Variants in SCIN observed in about 807,000 individuals in gnomAD.
SCIN encodes the protein adseverin.
SCIN carries 91 observed loss-of-function variants against 91.8 expected under a neutral mutation model. The ratio of observed to expected loss-of-function variants is 0.99; its 90% CI spans 0.84 to 1.18. The LOEUF is 1.18. Ranked by LOEUF, SCIN falls within the 50% of genes most tolerant of loss-of-function variation. SCIN has a pLI of 0.00. For missense variants in SCIN, 1,087 were observed against 863.9 expected (o/e 1.26, Z -3.24); for synonymous variants, 367 against 312.6 (o/e 1.17, Z -1.84).
At chr7:12,587,342 C>G (rs1291257617) in intron 3 of SCIN, among the ~76,000 whole-genome samples, 1 of 152,068 alleles carries the variant, frequency 6.6e-6, no homozygotes, top group Non-Finnish European at 1.5e-5. Context: ...ATATTGTAGC[C>G]TGGGGGTGGG....
At chr7:12,640,545 C>T (rs745441934) in intron 11 of SCIN, 28 bp downstream of exon 11, 4 of 1,565,828 alleles carry the variant, frequency 2.6e-6, no homozygotes, top group South Asian at 2.4e-5. Flanking sequence ...ATAAAACATG[C>T]CCTAGTTATG....
chr7:12,593,822 T>A (rs1782779061), intron 3 of SCIN, among the ~76,000 whole-genome samples: 1 of 152,106 alleles, frequency 6.6e-6, no homozygotes, highest in African/African-American at 2.4e-5. Flanking sequence ...CTTAGTAGGA[T>A]CCTGCTGATG....
intron 9 of SCIN, among the ~76,000 whole-genome samples, chr7:12,633,234 T>A (rs1394442130): frequency 6.6e-6 from 1 of 152,082 alleles, no homozygotes; most frequent in Non-Finnish European, 1.5e-5. Context: ...AAAAAAAAAT[T>A]CAGCAATGAT....
In SCIN at chr7:12,652,757, A is replaced by G; in HGVS notation, c.*42A>G. The G allele has an allele frequency of 6.3e-7, 1 of 1,575,552 alleles. No homozygotes were observed. The highest frequency in any genetic ancestry group is 1.2e-5 in the South Asian group (1 of 84,894). On this transcript the variant is annotated 3_prime_UTR_variant, in exon 16 of 16. Coordinates refer to ENST00000297029, the MANE Select transcript of SCIN (RefSeq NM_001112706.3). The stretch of plus-strand genomic sequence containing the variant: ...AGCAAACAAACATTACAAGGCAGTT[A>G]TCTCATTGCTGTTTTGGGAGAGGAA...
intron 4 of SCIN, among the ~76,000 whole-genome samples, chr7:12,608,638 C>G (rs1329835206): frequency 6.6e-6 from 1 of 151,974 alleles, no homozygotes; most frequent in African/African-American, 2.4e-5. Flanking sequence ...CCACCACACC[C>G]AGCTAATTTT....
chr7:12,654,975 C>G lies in SCIN; in HGVS notation c.*2260C>G, dbSNP rs1469144200. ...TAAAATTAAAAATATGATACATTCA[C>G]TACATGAAAATATGATATACGGTTT... On this transcript the variant is annotated 3_prime_UTR_variant, in exon 16 of 16. Coordinates refer to ENST00000297029, the MANE Select transcript of SCIN (RefSeq NM_001112706.3). 1 of 152,156 alleles carries G rather than the reference C, an allele frequency of 6.6e-6. No individual in the cohort carries two copies. The highest frequency in any genetic ancestry group is 1.5e-5 in the Non-Finnish European group (1 of 68,016). 9.4% of individuals were successfully genotyped at this position (152,156 alleles called of 1,614,324 possible).
chr7:12,638,062 G>A (rs1783787839), intron 10 of SCIN, among the ~76,000 whole-genome samples: 1 of 152,108 alleles, frequency 6.6e-6, no homozygotes, highest in African/African-American at 2.4e-5. Context: ...TATATTTATG[G>A]TGGAGTATCT....
At chr7:12,594,136 G>A (rs78383707) in intron 3 of SCIN, among the ~76,000 whole-genome samples, 4,811 of 152,206 alleles carry the variant, frequency 0.032, 121 homozygotes, top group Non-Finnish European at 0.049. Context: ...AGCGGGTGAG[G>A]GGAGGAGGCA....
Position 12,604,603 on chromosome 7 carries a change from G to A in SCIN, c.606G>A (p.Arg202=), listed in dbSNP as rs1783033024. 2 of 1,552,178 alleles carry A rather than the reference G, an allele frequency of 1.3e-6. No homozygotes were observed. The highest frequency in any genetic ancestry group is 1.7e-4 in the Middle Eastern group (1 of 5,998). The part of the protein sequence containing the change: ...QVATGIRYNE[R]KGRSELIVVE... ...CTACTGGCATTCGGTACAATGAAAGGAAAGGAAGGTCTGAACTAATTGTCG... is the reference window on the plus strand; with the variant it reads ...CTACTGGCATTCGGTACAATGAAAGAAAAGGAAGGTCTGAACTAATTGTCG... The change falls in exon 4 of 16, where the codon AGG becomes AGA. Residue 202 remains arginine, a synonymous_variant. Coordinates refer to ENST00000297029, the MANE Select transcript of SCIN (RefSeq NM_001112706.3).
chr7:12,583,051 GA>G (rs201777112), intron 3 of SCIN, among the ~76,000 whole-genome samples: 1,544 of 151,944 alleles, frequency 0.01, 16 homozygotes, highest in East Asian at 0.026. Context: ...CCCTTAACCA[GA>G]AAGGCACTTC....
rs895526624 is a variant in SCIN at position 12,606,125 on chromosome 7, G to T, written c.666+1462G>T. Among the ~76,000 whole-genome samples the T allele has an allele frequency of 2.6e-5, 4 of 152,092 alleles. No individual in the cohort carries two copies. In the South Asian group the frequency reaches 8.3e-4, roughly 32 times the overall value. ...CAACAAATATTTATTGTACTCCTGC[G>T]ATGCGCCAGGCACTAAATGTTTGCA... On this transcript the variant is annotated intron_variant, in intron 4 of 15. Transcript: ENST00000297029.
chr7:12,623,614 T>G (rs2115271847), intron 5 of SCIN, among the ~76,000 whole-genome samples: 1 of 152,262 alleles, frequency 6.6e-6, no homozygotes, highest in Non-Finnish European at 1.5e-5. Context: ...CTTCCAGTGT[T>G]CCCTCCCCTT....
chr7:12,638,608 T>C (rs1783798816), intron 10 of SCIN, among the ~76,000 whole-genome samples: 1 of 152,214 alleles, frequency 6.6e-6, no homozygotes, highest in South Asian at 2.1e-4. Context: ...AGTGTGTAAT[T>C]GCTTATTTTA....
At chr7:12,650,152 G>T (rs1002538423) in intron 14 of SCIN, among the ~76,000 whole-genome samples, 5 of 152,152 alleles carry the variant, frequency 3.3e-5, no homozygotes, top group African/African-American at 1.2e-4. Flanking sequence ...ATGCTTATCT[G>T]AATTAGGCCT....
rs1248787194 is a variant in SCIN at position 12,570,947 on chromosome 7, C to A, written c.161C>A (p.Thr54Lys). 3.2e-6 allele frequency: 5 copies of A among 1,551,200 alleles called. No homozygotes were observed. In the African/African-American group the frequency reaches 4.1e-5, roughly 13 times the overall value. Residue 54 changes from threonine (T) to lysine (K), a missense_variant, in exon 1 of 16, where the codon ACG becomes AAG. By Grantham distance (78) the Thr-to-Lys change is moderately conservative. Transcript: ENST00000297029. ...DAYLVLHTAK[T>K]SRGFTYHLHF... ...TACCTGGTGCTGCACACGGCCAAGA[C>A]GAGCCGAGGCTTCACCTACCACCTG...
intron 10 of SCIN, among the ~76,000 whole-genome samples, chr7:12,639,988 A>G (rs1046291796): frequency 1.4e-4 from 22 of 152,214 alleles, no homozygotes; most frequent in African/African-American, 5.3e-4. Flanking sequence ...CCCTTGAAAG[A>G]AGAGTGATTT....
At position 12,594,584 on chromosome 7, in the gene SCIN, G is replaced by T. The variant is rs533351100; in HGVS notation, c.517-9930G>T. ...ATTGCAGTAAAAGATAAGCCTCTTA[G>T]AACGGATCCCTGAACGGAGGCCGAG... On this transcript the variant is annotated intron_variant, in intron 3 of 15. Transcript: ENST00000297029. Among the ~76,000 whole-genome samples, 11 of 152,274 alleles carry T rather than the reference G, an allele frequency of 7.2e-5. 1 individual carries two copies. The South Asian group carries it at 2.3e-3, about 32-fold the overall frequency.
chr7:12,607,784 T>C (rs1296482591), intron 4 of SCIN, among the ~76,000 whole-genome samples: 1 of 152,352 alleles, frequency 6.6e-6, no homozygotes, highest in East Asian at 1.9e-4. Context: ...GTAGCCTGAT[T>C]ACAAGAAAGA....
chr7:12,632,450 A>G (rs1221699043), intron 9 of SCIN, among the ~76,000 whole-genome samples: 3 of 152,096 alleles, frequency 2.0e-5, no homozygotes, highest in Admixed American at 2.0e-4. Flanking sequence ...TTTTAGATAA[A>G]TTATTCTGAT....
Sources: gnomAD v4.1 joint callset for allele counts (sites outside exome capture counted in the v4.1 genomes callset) on GRCh38, gnomAD v4.1.1 for gene constraint, MANE v1.5 for transcripts, NCBI Gene and HGNC (gene_info 2026-07-23, HGNC 2026-07-21) for gene names.